Variants in WDFY1 observed in about 807,000 individuals in gnomAD.
The protein encoded by WDFY1 is WD repeat and FYVE domain-containing protein 1.
Under a neutral mutation model 56.4 loss-of-function variants are expected in WDFY1, and 32 were observed. The ratio of observed to expected loss-of-function variants is 0.57; its 90% confidence interval spans 0.43 to 0.76. WDFY1 has a LOEUF of 0.76. Among genes scored for constraint, WDFY1 ranks in the 30% least tolerant of loss-of-function variants. WDFY1 has a pLI of 0.00. For missense variants in WDFY1, 480 were observed against 545.7 expected (o/e 0.88, Z 1.20); for synonymous variants, 192 against 197.3 (o/e 0.97, Z 0.23).
intron 5 of WDFY1, 26 bp downstream of exon 5, chr2:223,901,157 G>A (rs373201149): frequency 2.5e-6 from 4 of 1,601,036 alleles, no homozygotes; most frequent in African/African-American, 2.7e-5. Flanking sequence ...CCAGGGGAAG[G>A]AGAGGTCCGT....
At chr2:223,942,443 C>A (rs1008016149) in intron 1 of WDFY1, among the ~76,000 whole-genome samples, 3 of 151,212 alleles carry the variant, frequency 2.0e-5, no homozygotes, top group Non-Finnish European at 2.9e-5. Flanking sequence ...TGGTCTCGAC[C>A]TCCTGACCTT....
At chr2:223,896,323 T>C (rs1054721956) in intron 6 of WDFY1, among the ~76,000 whole-genome samples, 3 of 120,530 alleles carry the variant, frequency 2.5e-5, no homozygotes, top group African/African-American at 9.5e-5. Context: ...TAAAGTTTAC[T>C]GTGTCCAACC....
At chr2:223,928,229 T>C (rs12991916) in intron 1 of WDFY1, among the ~76,000 whole-genome samples, 126,087 of 152,100 alleles carry the variant, frequency 0.83, 53,238 homozygotes, top group Non-Finnish European at 0.93. Flanking sequence ...TAGACTTGCC[T>C]GGTGCATGGT....
intron 2 of WDFY1, 80 bp downstream of exon 2, chr2:223,917,863 T>C (rs906292673): frequency 6.5e-7 from 1 of 1,547,826 alleles, no homozygotes; most frequent in Non-Finnish European, 8.9e-7. Flanking sequence ...TGAGCCACCA[T>C]GCTCAGCCGA....
intron 2 of WDFY1, 72 bp from the exon 3 acceptor site, chr2:223,912,398 A>T: frequency 7.8e-7 from 1 of 1,289,102 alleles, no homozygotes. Context: ...GTGATTAAGA[A>T]CTATATGATA....
chr2:223,884,543 A>G, intron 9 of WDFY1, 105 bp downstream of exon 9: 1 of 1,022,344 alleles, frequency 9.8e-7, no homozygotes, highest in Non-Finnish European at 1.5e-6. Flanking sequence ...GTAGGAATTA[A>G]TAGCATTTGC....
intron 4 of WDFY1, among the ~76,000 whole-genome samples, chr2:223,903,536 A>AC (rs149558744): frequency 0.059 from 6,470 of 110,066 alleles, 184 homozygotes; most frequent in Middle Eastern, 0.074. Context: ...AAACAAAACA[A>AC]AACAAAAAAA....
rs146703130 is a variant in WDFY1 at position 223,901,209 on chromosome 2, G to T, written c.459C>A (p.Phe153Leu). The T allele has an allele frequency of 5.6e-6, 9 of 1,613,984 alleles. No individual in the cohort carries two copies. The highest frequency in any genetic ancestry group is 2.7e-5 in the African/African-American group (2 of 74,908). Residue 153 changes from phenylalanine to leucine, a missense_variant, in exon 5 of 12, where the codon TTC becomes TTA. Transcript: ENST00000233055. Reference protein sequence around the residue: ...TRSGNMLGRHFFTSWASCLQY... With the variant: ...TRSGNMLGRHLFTSWASCLQY... ...GCAGACACGAAGCCCAGGACGTGAAGAAGTGCCTCCCGAGCATGTTCCCGC... is the reference window on the plus strand; with the variant it reads ...GCAGACACGAAGCCCAGGACGTGAATAAGTGCCTCCCGAGCATGTTCCCGC...
At chr2:223,921,946 C>T (rs964489758) in intron 1 of WDFY1, among the ~76,000 whole-genome samples, 1 of 152,196 alleles carries the variant, frequency 6.6e-6, no homozygotes, top group Non-Finnish European at 1.5e-5. Context: ...TCCCTCTGCT[C>T]CACCTCCAGT....
chr2:223,940,349 G>A (rs1024572201), intron 1 of WDFY1, among the ~76,000 whole-genome samples: 2 of 152,018 alleles, frequency 1.3e-5, no homozygotes, highest in South Asian at 2.1e-4. Context: ...AGCACCAAAC[G>A]AGTTTTCAGG....
At position 223,910,091 on chromosome 2, in the gene WDFY1, C is replaced by T. The variant is rs186446120; in HGVS notation, c.279+2162G>A. 6.6e-5 allele frequency among the ~76,000 whole-genome samples: 10 copies of T among 152,244 alleles called. No homozygotes were observed. The East Asian group carries it at 1.9e-3, about 29-fold the overall frequency. On this transcript the variant is annotated intron_variant, in intron 3 of 11. Transcript: ENST00000233055. Reference sequence around the variant, plus strand: ...CCACTATAACATTGACTTCTGGAAACTCTTCCCTGGCTCTCTGCCTGGCTG... The same window carrying T: ...CCACTATAACATTGACTTCTGGAAATTCTTCCCTGGCTCTCTGCCTGGCTG...
At chr2:223,935,215 C>G (rs554388849) in intron 1 of WDFY1, among the ~76,000 whole-genome samples, 4 of 152,068 alleles carry the variant, frequency 2.6e-5, no homozygotes, top group African/African-American at 9.7e-5. Flanking sequence ...TCTACTGACG[C>G]TAAGTGTCTA....
At chr2:223,941,515 A>C (rs1689305858) in intron 1 of WDFY1, among the ~76,000 whole-genome samples, 1 of 152,076 alleles carries the variant, frequency 6.6e-6, no homozygotes, top group East Asian at 1.9e-4. Flanking sequence ...CTTCTCTAGG[A>C]GGCTGTCCCC....
intron 2 of WDFY1, among the ~76,000 whole-genome samples, chr2:223,913,670 C>T (rs1170785967): frequency 6.6e-6 from 1 of 152,092 alleles, no homozygotes; most frequent in Non-Finnish European, 1.5e-5. Context: ...TTTTTGCTTG[C>T]TTTCTAGCTG....
At chr2:223,901,152 G>A in intron 5 of WDFY1, 31 bp downstream of exon 5, 1 of 1,597,554 alleles carries the variant, frequency 6.3e-7, no homozygotes, top group Non-Finnish European at 8.5e-7. Flanking sequence ...AGAGGCCAGG[G>A]GAAGGAGAGG....
At position 223,945,313 on chromosome 2, in the gene WDFY1, C is replaced by A. The variant is rs373075828; in HGVS notation, c.-29G>T. 2.5e-4 allele frequency: 394 copies of A among 1,549,796 alleles called. 1 individual carries two copies. Among genetic ancestry groups the A allele is most frequent in the Non-Finnish European group, 3.2e-4 (372 of 1,156,836 alleles). ...CGCGCGGCGACTGCTGCGGCCTCCT[C>A]GGCAGGCAGCCCATCAGCTGACGCC... On this transcript the variant is annotated 5_prime_UTR_variant, in exon 1 of 12. Transcript: ENST00000233055.
At position 223,928,221 on chromosome 2, in the gene WDFY1, G is replaced by C. The variant is rs368897448; in HGVS notation, c.138-10211C>G. On this transcript the variant is annotated intron_variant, in intron 1 of 11. Transcript: ENST00000233055. ...ATGTATTGGAAAAATGGCACAGATAGACTTGCCTGGTGCATGGTTGCCATA... is the reference window on the plus strand; with the variant it reads ...ATGTATTGGAAAAATGGCACAGATACACTTGCCTGGTGCATGGTTGCCATA... 3.9e-5 allele frequency among the ~76,000 whole-genome samples: 6 copies of C among 152,182 alleles called. No homozygotes were observed. In the East Asian group the frequency reaches 7.7e-4, roughly 20 times the overall value.
chr2:223,896,283 T>C (rs1356501928), intron 6 of WDFY1, among the ~76,000 whole-genome samples: 3 of 148,560 alleles, frequency 2.0e-5, no homozygotes, highest in African/African-American at 7.5e-5. Context: ...AAGAAAAAAA[T>C]TGCTACTAAT....
chr2:223,908,235 G>C (rs1693634875), intron 3 of WDFY1, among the ~76,000 whole-genome samples: 1 of 152,030 alleles, frequency 6.6e-6, no homozygotes. Context: ...TACTTTCCTT[G>C]ACCCCTTCTC....
Sources: gnomAD v4.1 joint callset for allele counts (sites outside exome capture counted in the v4.1 genomes callset) on GRCh38, gnomAD v4.1.1 for gene constraint, MANE v1.5 for transcripts, NCBI Gene and HGNC (gene_info 2026-07-23, HGNC 2026-07-21) for gene names.